Variants in LOC400499 observed in about 807,000 individuals in gnomAD.
the LOC400499 span, chr16:11,399,947 C>T: frequency 1.3e-5 from 5 of 397,658 alleles, no homozygotes; most frequent in East Asian, 1.8e-4. Flanking sequence ...GGTGCCCCTC[C>T]CCCAGATATC....
the LOC400499 span, chr16:11,443,491 A>AAGAGAGACAGAGAG: frequency 7.6e-6 from 1 of 132,232 alleles, no homozygotes; most frequent in Non-Finnish European, 1.4e-5. Context: ...AAAAAAAAAA[A>AAGAGAGACAGAGAG]AGAGAGAGAG....
At chr16:11,417,623 G>C in the LOC400499 span, 161 of 399,080 alleles carry the variant, frequency 4.0e-4, 1 homozygote, top group Non-Finnish European at 1.8e-5. Context: ...TGTGCGCTGA[G>C]TGCCTTACCG....
the LOC400499 span, among the ~76,000 whole-genome samples, chr16:11,516,544 G>A: frequency 2.0e-5 from 3 of 152,226 alleles, no homozygotes; most frequent in African/African-American, 7.2e-5. Flanking sequence ...GGACAGGTGT[G>A]TGAGACAAGT....
At chr16:11,449,901 C>G in the LOC400499 span, among the ~76,000 whole-genome samples, 1 of 152,250 alleles carries the variant, frequency 6.6e-6, no homozygotes, top group Non-Finnish European at 1.5e-5. Flanking sequence ...CTGCCACCAC[C>G]CCGGGCCAGG....
At chr16:11,423,179 C>A in the LOC400499 span, 22 of 399,362 alleles carry the variant, frequency 5.5e-5, no homozygotes, top group Non-Finnish European at 8.8e-5. Flanking sequence ...GACCCCATAC[C>A]TCGAGAGGCT....
At chr16:11,527,439 A>T in the LOC400499 span, among the ~76,000 whole-genome samples, 1 of 152,188 alleles carries the variant, frequency 6.6e-6, no homozygotes, top group Non-Finnish European at 1.5e-5. Context: ...TAGAGGGGAA[A>T]AAAAAGGAGC....
chr16:11,404,277 G>T, the LOC400499 span, among the ~76,000 whole-genome samples: 1 of 152,166 alleles, frequency 6.6e-6, no homozygotes, highest in Non-Finnish European at 1.5e-5. Flanking sequence ...GTCTCCCTGA[G>T]GGGTGACACC....
chr16:11,474,727 G>A, the LOC400499 span, among the ~76,000 whole-genome samples: 8 of 152,034 alleles, frequency 5.3e-5, no homozygotes, highest in Admixed American at 5.2e-4. Flanking sequence ...AAATTAGCTG[G>A]GCAGGGTGGT....
At chr16:11,509,222 G>A in the LOC400499 span, among the ~76,000 whole-genome samples, 9 of 149,252 alleles carry the variant, frequency 6.0e-5, no homozygotes, top group South Asian at 8.5e-4. Context: ...GGTTCACGCC[G>A]TTCTCCTGCC....
At chr16:11,516,228 G>C in the LOC400499 span, 1 of 399,782 alleles carries the variant, frequency 2.5e-6, no homozygotes, top group Non-Finnish European at 4.4e-6. Context: ...ACCCAGCGTG[G>C]CTCAGTGGGA....
the LOC400499 span, among the ~76,000 whole-genome samples, chr16:11,496,888 ATGTGTGTG>A: frequency 0.057 from 8,260 of 144,218 alleles, 317 homozygotes; most frequent in African/African-American, 0.098. Flanking sequence ...GTATGCCTCA[ATGTGTGTG>A]TGTGTGTGTG....
the LOC400499 span, among the ~76,000 whole-genome samples, chr16:11,458,950 T>C: frequency 2.0e-5 from 3 of 151,414 alleles, no homozygotes; most frequent in Admixed American, 2.0e-4. Context: ...GGCTGGAGAA[T>C]TGCATGAACC....
the LOC400499 span, chr16:11,417,946 G>A: frequency 4.0e-5 from 16 of 397,644 alleles, no homozygotes; most frequent in Middle Eastern, 6.3e-4. Context: ...TGCCATCCAC[G>A]TCGCTGTGAT....
the LOC400499 span, chr16:11,443,310 C>G: frequency 8.8e-6 from 3 of 341,866 alleles, no homozygotes; most frequent in South Asian, 2.0e-5. Flanking sequence ...GGCAACAGAG[C>G]AAGACTCGAT....
At chr16:11,521,559 C>G in the LOC400499 span, among the ~76,000 whole-genome samples, 1 of 152,116 alleles carries the variant, frequency 6.6e-6, no homozygotes, top group Non-Finnish European at 1.5e-5. Flanking sequence ...GAATAGACTT[C>G]CACCCAGTCT....
At chr16:11,490,016 T>G in the LOC400499 span, among the ~76,000 whole-genome samples, 1 of 152,124 alleles carries the variant, frequency 6.6e-6, no homozygotes, top group Non-Finnish European at 1.5e-5. Flanking sequence ...AGTACAAACT[T>G]CTGGCGGAAC....
chr16:11,447,763 G>A, the LOC400499 span, among the ~76,000 whole-genome samples: 1 of 152,226 alleles, frequency 6.6e-6, no homozygotes, highest in East Asian at 1.9e-4. Context: ...AGGGATGTGG[G>A]AGCTTTCAGG....
chr16:11,413,458 G>C, the LOC400499 span, among the ~76,000 whole-genome samples: 2 of 152,264 alleles, frequency 1.3e-5, no homozygotes, highest in South Asian at 2.1e-4. Flanking sequence ...CCTGGCTCTA[G>C]AATAGGCTCT....
the LOC400499 span, among the ~76,000 whole-genome samples, chr16:11,436,466 C>A: frequency 6.6e-6 from 1 of 152,168 alleles, no homozygotes; most frequent in Non-Finnish European, 1.5e-5. Context: ...TCCACCAGCT[C>A]CCAAGGGACG....
Sources: gnomAD v4.1 joint callset for allele counts (sites outside exome capture counted in the v4.1 genomes callset) on GRCh38, gnomAD v4.1.1 for gene constraint, MANE v1.5 for transcripts.